Variants in RHEB observed in about 807,000 individuals in gnomAD.
RHEB encodes GTP-binding protein Rheb.
Under a neutral mutation model 28.8 loss-of-function variants are expected in RHEB, and 2 were observed. The ratio of observed to expected loss-of-function variants is 0.07; its 90% CI spans 0.03 to 0.22. The LOEUF is 0.22. Among genes scored for constraint, RHEB ranks in the 10% least tolerant of loss-of-function variants. The probability of loss-of-function intolerance (pLI) is 1.00; values close to 1 mark genes in which losing one functional copy is unlikely to be tolerated. For synonymous variants in RHEB, 69 were observed against 77.3 expected, an observed-to-expected ratio of 0.89 and a Z score of 0.56; for missense variants, 76 against 219.9, an observed-to-expected ratio of 0.35 and a Z score of 4.14.
At chr7:151,489,906 A>G (rs913708730) in intron 2 of RHEB, among the ~76,000 whole-genome samples, 1 of 152,256 alleles carries the variant, frequency 6.6e-6, no homozygotes, top group Admixed American at 6.5e-5. Context: ...ACTGTCAGCC[A>G]AAGCATTCAA....
At chr7:151,507,826 CACT>C (rs778564577) in intron 1 of RHEB, among the ~76,000 whole-genome samples, 2 of 151,934 alleles carry the variant, frequency 1.3e-5, no homozygotes, top group Non-Finnish European at 2.9e-5. Context: ...AGATATATAC[CACT>C]GAGGAAAATA....
At chr7:151,488,238 T>A (rs1310220765) in intron 2 of RHEB, among the ~76,000 whole-genome samples, 3 of 152,216 alleles carry the variant, frequency 2.0e-5, no homozygotes, top group Non-Finnish European at 4.4e-5. Flanking sequence ...GCTTTAAAAT[T>A]TCCCCAAACT....
intron 3 of RHEB, among the ~76,000 whole-genome samples, chr7:151,482,727 CA>C (rs1301634563): frequency 6.6e-6 from 1 of 152,164 alleles, no homozygotes; most frequent in African/African-American, 2.4e-5. Flanking sequence ...GTTGTCCCAA[CA>C]TAATTATTAT....
At chr7:151,519,270 T>A in intron 1 of RHEB, 190 bp downstream of exon 1, 1 of 277,824 alleles carries the variant, frequency 3.6e-6, no homozygotes, top group Non-Finnish European at 6.2e-6. Flanking sequence ...CTACCGCGGC[T>A]CCTCCACCGG....
intron 1 of RHEB, among the ~76,000 whole-genome samples, chr7:151,508,144 G>C (rs1802921195): frequency 6.6e-6 from 1 of 152,060 alleles, no homozygotes; most frequent in Non-Finnish European, 1.5e-5. Context: ...GGTGAGGGTG[G>C]GAAAGAGCTA....
intron 3 of RHEB, among the ~76,000 whole-genome samples, chr7:151,483,091 T>C (rs1246361545): frequency 1.3e-5 from 2 of 152,078 alleles, no homozygotes; most frequent in Non-Finnish European, 2.9e-5. Context: ...GTAGGGTGAG[T>C]GAAGGAGGCA....
chr7:151,488,635 T>C (rs1037932146), intron 2 of RHEB, among the ~76,000 whole-genome samples: 3 of 152,244 alleles, frequency 2.0e-5, no homozygotes, highest in Non-Finnish European at 4.4e-5. Context: ...TGTCTGAACA[T>C]GCCTCACGAA....
chr7:151,467,271 T>C lies in RHEB; in HGVS notation c.463-60A>G. Reference sequence around the variant, plus strand: ...TGTGAAGCCGAACTCCGAGAGTATTTTACGGACTGAGGAGGGCGTGCCGCC... The same window carrying C: ...TGTGAAGCCGAACTCCGAGAGTATTCTACGGACTGAGGAGGGCGTGCCGCC... On this transcript the variant is annotated intron_variant, in intron 7 of 7. Coordinates refer to ENST00000262187, the MANE Select transcript of RHEB (RefSeq NM_005614.4). The C allele has an allele frequency of 4.7e-6, 6 of 1,277,946 alleles. No individual in the cohort carries two copies. The Middle Eastern group carries it at 5.5e-4, about 118-fold the overall frequency. 79.2% of individuals were successfully genotyped at this position (1,277,946 alleles called of 1,614,324 possible).
intron 3 of RHEB, among the ~76,000 whole-genome samples, chr7:151,481,362 G>A (rs1052095779): frequency 2.0e-5 from 3 of 152,140 alleles, no homozygotes; most frequent in Non-Finnish European, 2.9e-5. Context: ...AACAAATACC[G>A]CTATGCAGCA....
At position 151,502,373 on chromosome 7, in the gene RHEB, G is replaced by A. The variant is rs1428268416; in HGVS notation, c.53-11359C>T. ...GTTTGGAACTGCATCTAACATTAAG[G>A]CAGGAGTAAACCGCCATCCAGTCCT... is the stretch of plus-strand genomic sequence containing the variant. On this transcript the variant is annotated intron_variant, in intron 1 of 7. Coordinates refer to ENST00000262187, the MANE Select transcript of RHEB (RefSeq NM_005614.4). 4 of 817,200 alleles carry A rather than the reference G, an allele frequency of 4.9e-6. No individual in the cohort carries two copies. In the East Asian group the frequency reaches 9.7e-5, roughly 20 times the overall value. 50.6% of individuals were successfully genotyped at this position (817,200 alleles called of 1,614,324 possible). A position where few individuals can be genotyped will look rare whatever the true frequency, so the allele number is the denominator to read the frequency against.
At position 151,468,232 on chromosome 7, in the gene RHEB, C is replaced by T. The variant is rs1584844132; in HGVS notation, c.463-1021G>A. Among the ~76,000 whole-genome samples, 1 of 152,232 alleles carries T rather than the reference C, an allele frequency of 6.6e-6. No homozygotes were observed. The highest frequency in any genetic ancestry group is 2.4e-5 in the African/African-American group (1 of 41,468). Reference sequence around the variant, plus strand: ...TCTTTCTCTAGCTATCCTGAAGCAACAATTCTCAGCCCCACAAGGGGCCTG... The same window carrying T: ...TCTTTCTCTAGCTATCCTGAAGCAATAATTCTCAGCCCCACAAGGGGCCTG... On this transcript the variant is annotated intron_variant, in intron 7 of 7. Transcript: ENST00000262187. This position sits in a 1 kb window ranked among gnomAD's most constrained non-coding sequence, Gnocchi z 4.3.
intron 3 of RHEB, among the ~76,000 whole-genome samples, chr7:151,480,225 A>G (rs561055513): frequency 1.4e-4 from 21 of 152,244 alleles, no homozygotes; most frequent in African/African-American, 5.1e-4. Context: ...TCATTAAGGG[A>G]CTGCTGATGG....
chr7:151,470,799 T>C, intron 6 of RHEB, 147 bp from the exon 7 acceptor site: 2 of 594,958 alleles, frequency 3.4e-6, no homozygotes, highest in Non-Finnish European at 3.0e-6. Flanking sequence ...GCATCAAGAA[T>C]GTAACACAGG....
At chr7:151,514,938 C>G (rs1437966901) in intron 1 of RHEB, among the ~76,000 whole-genome samples, 1 of 152,032 alleles carries the variant, frequency 6.6e-6, no homozygotes, top group Non-Finnish European at 1.5e-5. Flanking sequence ...ACTCGGGAAG[C>G]TGAGGCAGGA....
At chr7:151,510,126 C>A (rs1802956561) in intron 1 of RHEB, among the ~76,000 whole-genome samples, 1 of 152,216 alleles carries the variant, frequency 6.6e-6, no homozygotes, top group Non-Finnish European at 1.5e-5. Flanking sequence ...GTCCCGACCT[C>A]TCTCATTACT....
intron 1 of RHEB, chr7:151,503,272 CT>C (rs1188908218): frequency 1.3e-6 from 1 of 785,318 alleles, no homozygotes; most frequent in African/African-American, 1.7e-5. Context: ...GAGCATGCCC[CT>C]GTTGGAATGG....
chr7:151,476,501 T>C (rs1802275123), intron 4 of RHEB, among the ~76,000 whole-genome samples: 1 of 152,262 alleles, frequency 6.6e-6, no homozygotes, highest in Admixed American at 6.5e-5. Context: ...TATGTAGCCC[T>C]GGGCAAGCTG....
chr7:151,468,557 G>A lies in RHEB; in HGVS notation c.463-1346C>T, dbSNP rs1228258528. On this transcript the variant is annotated intron_variant, in intron 7 of 7. Transcript: ENST00000262187. This position sits in a 1 kb window ranked among gnomAD's most constrained non-coding sequence, Gnocchi z 4.3. ...GGCACTCCCCAGAGAAAGCATCCAC[G>A]CCTTGTCCCTTCTCCTCAAATGTTC... Among the ~76,000 whole-genome samples, 4 of 152,218 alleles carry A rather than the reference G, an allele frequency of 2.6e-5. No individual in the cohort carries two copies. Among genetic ancestry groups the A allele is most frequent in the Admixed American group, 6.5e-5 (1 of 15,292 alleles).
At chr7:151,478,388 A>G (rs1802309978) in intron 3 of RHEB, among the ~76,000 whole-genome samples, 1 of 126,734 alleles carries the variant, frequency 7.9e-6, no homozygotes, top group Admixed American at 7.4e-5. Context: ...TTCTTTAAAG[A>G]AAAAAAAAAA....
Sources: gnomAD v4.1 joint callset for allele counts (sites outside exome capture counted in the v4.1 genomes callset) on GRCh38, gnomAD v4.1.1 for gene constraint, Gnocchi (gnomAD v3.1) non-coding constraint, MANE v1.5 for transcripts, NCBI Gene and HGNC (gene_info 2026-07-23, HGNC 2026-07-21) for gene names.